Variants in LRRC4C observed in about 807,000 individuals in gnomAD.
LRRC4C encodes leucine-rich repeat-containing protein 4C.
Under a neutral mutation model 33.6 loss-of-function variants are expected in LRRC4C, and 5 were observed. The observed-to-expected ratio is 0.15, with a 90% CI of 0.08 to 0.31. LRRC4C has a LOEUF of 0.31. Ranked by LOEUF, LRRC4C falls within the 10% of genes least tolerant of loss-of-function variation. The pLI is 1.00. For missense variants in LRRC4C, 560 were observed against 796.7 expected, an observed-to-expected ratio of 0.70 and a Z score of 3.58; for synonymous variants, 329 against 302.0, an observed-to-expected ratio of 1.09 and a Z score of -0.93.
chr11:41,163,194 A>G (rs1276845314), intron 1 of LRRC4C, among the ~76,000 whole-genome samples: 1 of 151,968 alleles, frequency 6.6e-6, no homozygotes, highest in Non-Finnish European at 1.5e-5. Context: ...TAAACTTCTA[A>G]GCCCAATTAA....
intron 2 of LRRC4C, among the ~76,000 whole-genome samples, chr11:40,901,999 TACACACACACACACA>T (rs1196111821): frequency 2.1e-4 from 29 of 139,842 alleles, no homozygotes; most frequent in South Asian, 7.0e-4. Context: ...TCTCTCTCTC[TACACACACACACACA>T]CACACACACA....
intron 3 of LRRC4C, among the ~76,000 whole-genome samples, chr11:40,547,065 C>A (rs1199279886): frequency 6.6e-6 from 1 of 152,138 alleles, no homozygotes; most frequent in Non-Finnish European, 1.5e-5. Flanking sequence ...ACGTAGTGTT[C>A]TTAAAGTTGA....
At position 41,181,028 on chromosome 11, in the gene LRRC4C, A is replaced by G. The variant is rs1945426856; in HGVS notation, c.-495-247305T>C. ...TCTTTGGGAGAAGAAAAAAAAAGAA[A>G]AGTTTTAAGAATGTTGGTAATTAAT... On this transcript the variant is annotated intron_variant, in intron 1 of 6. Coordinates refer to ENST00000528697, the MANE Select transcript of LRRC4C (RefSeq NM_001258419.2). 1.3e-5 allele frequency among the ~76,000 whole-genome samples: 2 copies of G among 152,170 alleles called. 1 individual carries two copies. Among genetic ancestry groups the G allele is most frequent in the South Asian group, 4.1e-4 (2 of 4,828 alleles).
chr11:40,742,595 T>C (rs1301066425), intron 2 of LRRC4C, among the ~76,000 whole-genome samples: 1 of 152,022 alleles, frequency 6.6e-6, no homozygotes, highest in African/African-American at 2.4e-5. Flanking sequence ...AAGAAAACGA[T>C]CATTTGCCAT....
intron 4 of LRRC4C, among the ~76,000 whole-genome samples, chr11:40,277,998 C>T (rs1323585591): frequency 2.0e-5 from 3 of 152,126 alleles, no homozygotes; most frequent in Non-Finnish European, 2.9e-5. Flanking sequence ...AACCCTACTC[C>T]AACAGTTATT....
At chr11:40,945,241 C>T (rs1382515510) in intron 1 of LRRC4C, among the ~76,000 whole-genome samples, 1 of 113,850 alleles carries the variant, frequency 8.8e-6, no homozygotes, top group Non-Finnish European at 1.9e-5. Flanking sequence ...TGGATGGTCT[C>T]GATCTCCTGA....
chr11:40,874,018 C>T (rs551512148), intron 2 of LRRC4C, among the ~76,000 whole-genome samples: 110 of 152,264 alleles, frequency 7.2e-4, no homozygotes, highest in African/African-American at 2.6e-3. Flanking sequence ...TTTAAATTTT[C>T]TCCAGAGGGC....
At chr11:41,454,079 C>A (rs1956108059) in intron 1 of LRRC4C, among the ~76,000 whole-genome samples, 2 of 152,042 alleles carry the variant, frequency 1.3e-5, no homozygotes, top group African/African-American at 2.4e-5. Flanking sequence ...AACCCACAAC[C>A]TGAAGGACAA....
intron 4 of LRRC4C, among the ~76,000 whole-genome samples, chr11:40,286,840 G>C (rs1327777122): frequency 6.6e-6 from 1 of 152,142 alleles, no homozygotes; most frequent in Non-Finnish European, 1.5e-5. Flanking sequence ...TCCAAGGTTT[G>C]TCTATTCCAA....
chr11:40,787,334 C>G (rs2137337312), intron 2 of LRRC4C, among the ~76,000 whole-genome samples: 1 of 152,274 alleles, frequency 6.6e-6, no homozygotes, highest in East Asian at 1.9e-4. Context: ...TGTTGGGTGA[C>G]AGTCCGTTAG....
At chr11:40,193,433 A>C (rs1376408877) in intron 5 of LRRC4C, among the ~76,000 whole-genome samples, 1 of 152,230 alleles carries the variant, frequency 6.6e-6, no homozygotes, top group Non-Finnish European at 1.5e-5. Flanking sequence ...ATGACCATGC[A>C]AAAACCCTAT....
At chr11:40,512,328 C>T (rs1955360135) in intron 3 of LRRC4C, among the ~76,000 whole-genome samples, 1 of 152,098 alleles carries the variant, frequency 6.6e-6, no homozygotes, top group Non-Finnish European at 1.5e-5. Flanking sequence ...GAGCCGAGAT[C>T]ATACCATTGC....
rs553299524 is a variant in LRRC4C at position 41,109,263 on chromosome 11, G to C, written c.-495-175540C>G. On this transcript the variant is annotated intron_variant, in intron 1 of 6. Coordinates refer to ENST00000528697, the MANE Select transcript of LRRC4C (RefSeq NM_001258419.2). The stretch of plus-strand genomic sequence containing the variant: ...GAAAGGTGAGATTGAGATTCAGAGT[G>C]GAAAATAATTACTGACGGATTTCAA... Among the ~76,000 whole-genome samples, 5 of 152,088 alleles carry C rather than the reference G, an allele frequency of 3.3e-5. No individual in the cohort carries two copies. The East Asian group carries it at 9.7e-4, about 30-fold the overall frequency.
chr11:41,167,249 A>T (rs1944770948), intron 1 of LRRC4C, among the ~76,000 whole-genome samples: 1 of 152,156 alleles, frequency 6.6e-6, no homozygotes, highest in Non-Finnish European at 1.5e-5. Flanking sequence ...TGAGTTGAAA[A>T]CAAAACACTT....
chr11:40,226,292 C>A (rs1312204553), intron 5 of LRRC4C, among the ~76,000 whole-genome samples: 2 of 152,192 alleles, frequency 1.3e-5, no homozygotes, highest in Non-Finnish European at 2.9e-5. Flanking sequence ...AATACGTTCA[C>A]TATTGGGTCT....
At chr11:40,144,688 C>T (rs533290598) in intron 5 of LRRC4C, among the ~76,000 whole-genome samples, 2 of 152,134 alleles carry the variant, frequency 1.3e-5, no homozygotes, top group Non-Finnish European at 2.9e-5. Flanking sequence ...TATAATTTTT[C>T]ATTTTGCAGT....
chr11:40,828,925 T>C (rs1952285799), intron 2 of LRRC4C, among the ~76,000 whole-genome samples: 1 of 151,974 alleles, frequency 6.6e-6, no homozygotes. Flanking sequence ...ATTTAAAATC[T>C]TTTTTCTAGG....
intron 1 of LRRC4C, among the ~76,000 whole-genome samples, chr11:41,186,820 G>A (rs1346114367): frequency 6.6e-6 from 1 of 152,092 alleles, no homozygotes; most frequent in African/African-American, 2.4e-5. Flanking sequence ...ATACCGTTTA[G>A]GTAGTCACGT....
chr11:41,447,304 A>G (rs1238068433), intron 1 of LRRC4C, among the ~76,000 whole-genome samples: 2 of 152,232 alleles, frequency 1.3e-5, no homozygotes, highest in African/African-American at 4.8e-5. Context: ...ATTTATGTTC[A>G]TCCTCATCAC....
Sources: allele counts gnomAD v4.1 joint callset (sites outside exome capture counted in the v4.1 genomes callset), GRCh38; gene constraint gnomAD v4.1.1; transcripts MANE v1.5; gene names NCBI Gene and HGNC (gene_info 2026-07-23, HGNC 2026-07-21).